DNAI2: variants seen among roughly 807,000 people sequenced by gnomAD.
The protein encoded by DNAI2 is dynein, axonemal, intermediate polypeptide 2.
In DNAI2, 63 loss-of-function variants were observed where a neutral mutation model predicts 74.7. That is an observed-to-expected ratio of 0.84 (90% CI 0.69 to 1.04). The LOEUF (loss-of-function observed/expected upper bound fraction) is 1.04. DNAI2 is among the 50% of genes least tolerant of loss of function. DNAI2 has a pLI of 0.00. For synonymous variants in DNAI2, 289 were observed against 314.9 expected, an observed-to-expected ratio of 0.92 and a Z score of 0.87; for missense variants, 688 against 803.2, an observed-to-expected ratio of 0.86 and a Z score of 1.73.
rs201909971 is a variant in DNAI2, at chr17:74,314,120, G to T, written c.1723-1G>T. 216 of 1,613,984 alleles carry T rather than the reference G, an allele frequency of 1.3e-4. No individual in the cohort carries two copies. Among genetic ancestry groups the T allele is most frequent in the Admixed American group, 5.3e-4 (32 of 60,026 alleles). ...CACTTCTGTGCTGTCTTCCCCTGCA[G>T]CAGCAACCAAGTCCAGAAGAAGACC... On this transcript the variant is annotated splice_acceptor_variant, in intron 12 of 13. Coordinates refer to ENST00000311014, the MANE Select transcript of DNAI2 (RefSeq NM_023036.6). LOFTEE classifies it high-confidence loss of function.
At chr17:74,290,969 C>T (rs2052053601) in intron 5 of DNAI2, 51 bp from the exon 6 acceptor site, 3 of 1,531,846 alleles carry the variant, frequency 2.0e-6, no homozygotes, top group Non-Finnish European at 2.7e-6. Context: ...CTGGTTGATC[C>T]TGTCCTTTTC....
At chr17:74,302,026 A>G (rs1313243576) in intron 8 of DNAI2, among the ~76,000 whole-genome samples, 15 of 15,858 alleles carry the variant, frequency 9.5e-4, no homozygotes, top group South Asian at 4.7e-3. Flanking sequence ...AAGGAAGGAA[A>G]GAAGGAAGGA....
At chr17:74,296,316 A>AGAGAGAG (rs2052422133) in intron 6 of DNAI2, among the ~76,000 whole-genome samples, 1 of 97,668 alleles carries the variant, frequency 1.0e-5, no homozygotes, top group African/African-American at 3.2e-5. Context: ...CTTTAAAGAG[A>AGAGAGAG]GAGAGAGAGA....
In DNAI2 at chr17:74,312,401, G is replaced by A. The variant is rs558769570; in HGVS notation, c.1722+171G>A. Among the ~76,000 whole-genome samples the A allele has an allele frequency of 1.1e-4, 17 of 152,172 alleles. 1 individual carries two copies. In the South Asian group the frequency reaches 3.3e-3, roughly 30 times the overall value. On this transcript the variant is annotated intron_variant, in intron 12 of 13. Transcript: ENST00000311014. ...GAAGAATTATTCCCTTCCTTCCAAA[G>A]CATCCCAAGTCTCCAAACAGACTTC... is the stretch of plus-strand genomic sequence containing the variant.
chr17:74,312,882 A>T (rs2053617988), intron 12 of DNAI2, among the ~76,000 whole-genome samples: 1 of 152,098 alleles, frequency 6.6e-6, no homozygotes, highest in African/African-American at 2.4e-5. Context: ...TGTCTGGGTC[A>T]CCTCCTTCAG....
At chr17:74,306,715 T>C (rs2053208910) in intron 9 of DNAI2, among the ~76,000 whole-genome samples, 1 of 152,240 alleles carries the variant, frequency 6.6e-6, no homozygotes, top group African/African-American at 2.4e-5. Context: ...CCTCCCGAGT[T>C]CATGCGATTC....
At chr17:74,301,931 G>A (rs1205865965) in intron 8 of DNAI2, among the ~76,000 whole-genome samples, 7 of 13,802 alleles carry the variant, frequency 5.1e-4, no homozygotes, top group African/African-American at 1.0e-3. Flanking sequence ...AGGAAGGAAG[G>A]AAGGAAGGAA....
In DNAI2 at chr17:74,309,400, G is replaced by A. The variant is rs371641997; in HGVS notation, c.1347+12G>A. 63 of 1,614,160 alleles carry A rather than the reference G, an allele frequency of 3.9e-5. No individual in the cohort carries two copies. In the East Asian group the frequency reaches 5.1e-4, roughly 13 times the overall value. On this transcript the variant is annotated intron_variant, in intron 10 of 13. Transcript: ENST00000311014. ...CCCTCAGCTTGAAGGTCACGCGCAT[G>A]TCCCTCCTTGTGCATCCAGGTCCTC...
chr17:74,294,234 T>C (rs2052299266), intron 6 of DNAI2, among the ~76,000 whole-genome samples: 1 of 152,110 alleles, frequency 6.6e-6, no homozygotes, highest in Non-Finnish European at 1.5e-5. Context: ...TTGTTCTTTC[T>C]CCATAACTGC....
At position 74,309,272 on chromosome 17, in the gene DNAI2, A is replaced by G. The variant is rs756382003; in HGVS notation, c.1231A>G (p.Thr411Ala). The change falls in exon 10 of 14, where the codon ACT becomes GCT. Residue 411 changes from threonine to alanine, a missense_variant. Physicochemically the swap from Thr to Ala is moderately conservative, Grantham distance 58. Transcript: ENST00000311014. The stretch of plus-strand genomic sequence containing the variant: ...CCACAGGTACCACATGGCTTACCTC[A>G]CTGATGCTGCCTGGAGCCCCGTGAG... ...MWTKYHMAYL[T>A]DAAWSPVRPT... The G allele has an allele frequency of 3.1e-6, 5 of 1,613,704 alleles. No individual in the cohort carries two copies. In the East Asian group the frequency reaches 1.1e-4, roughly 36 times the overall value.
intron 8 of DNAI2, among the ~76,000 whole-genome samples, chr17:74,301,851 G>T (rs543573022): frequency 2.3e-5 from 3 of 129,122 alleles, no homozygotes; most frequent in Non-Finnish European, 4.9e-5. Context: ...GAAAAGGAAA[G>T]AAGGAAGGAA....
intron 9 of DNAI2, among the ~76,000 whole-genome samples, chr17:74,308,597 C>T (rs1054046944): frequency 7.2e-5 from 11 of 152,114 alleles, no homozygotes; most frequent in Admixed American, 3.9e-4. Context: ...ACATGGCTCA[C>T]TGCAGCCTCG....
At chr17:74,281,579 A>G (rs935234306) in intron 1 of DNAI2, 21 of 597,350 alleles carry the variant, frequency 3.5e-5, no homozygotes, top group Non-Finnish European at 5.6e-5. Context: ...TGCCCTCCTC[A>G]GAGAGCAACT....
At chr17:74,307,196 T>C in intron 9 of DNAI2, 1 of 455,134 alleles carries the variant, frequency 2.2e-6, no homozygotes, top group South Asian at 1.6e-5. Context: ...GCCTTCCCAA[T>C]GTCTTCAGGT....
chr17:74,281,318 G>C (rs1312500006), intron 1 of DNAI2, among the ~76,000 whole-genome samples: 3 of 151,906 alleles, frequency 2.0e-5, no homozygotes, highest in Non-Finnish European at 1.5e-5. Flanking sequence ...GAGTGCAATG[G>C]TGTGATCTCG....
chr17:74,312,775 C>T (rs2053612617), intron 12 of DNAI2, among the ~76,000 whole-genome samples: 1 of 152,204 alleles, frequency 6.6e-6, no homozygotes, highest in African/African-American at 2.4e-5. Context: ...CCTTCATTTC[C>T]ATCTGGAAAA....
At position 74,300,948 on chromosome 17, in the gene DNAI2, A is replaced by T; in HGVS notation, c.865-98A>T. On this transcript the variant is annotated intron_variant, in intron 7 of 13. Coordinates refer to ENST00000311014, the MANE Select transcript of DNAI2 (RefSeq NM_023036.6). This position sits in a 1 kb window ranked among gnomAD's most constrained non-coding sequence, Gnocchi z 4.5. ...CCGGGAGCTCCATCCTTTGTGGCCC[A>T]GTGGCTGACCCCAGGACGGTGGGGT... 6.4e-7 allele frequency: 1 copy of T among 1,556,550 alleles called. No homozygotes were observed. Among genetic ancestry groups the T allele is most frequent in the Non-Finnish European group, 8.8e-7 (1 of 1,138,832 alleles).
intron 3 of DNAI2, among the ~76,000 whole-genome samples, chr17:74,285,812 G>A (rs2051684821): frequency 6.6e-6 from 1 of 152,024 alleles, no homozygotes; most frequent in Non-Finnish European, 1.5e-5. Context: ...CTGCTGAAGG[G>A]AACAGGGAAG....
At chr17:74,290,579 A>C (rs1227589145) in intron 5 of DNAI2, among the ~76,000 whole-genome samples, 1 of 152,222 alleles carries the variant, frequency 6.6e-6, no homozygotes, top group Non-Finnish European at 1.5e-5. Flanking sequence ...GGTGCCAGGC[A>C]GAGAGCTAAC....
Sources: allele counts gnomAD v4.1 joint callset (sites outside exome capture counted in the v4.1 genomes callset), GRCh38; gene constraint gnomAD v4.1.1; non-coding constraint Gnocchi (gnomAD v3.1); transcripts MANE v1.5; gene names NCBI Gene and HGNC (gene_info 2026-07-23, HGNC 2026-07-21).